MALRD1: variants seen among roughly 807,000 people sequenced by gnomAD.
MALRD1 encodes the protein MAM and LDL-receptor class A domain-containing protein 1.
Under a neutral mutation model 242.1 loss-of-function variants are expected in MALRD1, and 247 were observed. The ratio of observed to expected loss-of-function variants is 1.02; its 90% CI spans 0.92 to 1.13. The LOEUF is 1.13. Among genes scored for constraint, MALRD1 ranks in the 50% most tolerant of loss-of-function variants. The probability of loss-of-function intolerance (pLI) is 0.00; values close to 1 mark genes in which losing one functional copy is unlikely to be tolerated. For synonymous variants in MALRD1, 995 were observed against 866.6 expected (o/e 1.15, Z -2.60); for missense variants, 2,989 against 2,533.1 (o/e 1.18, Z -3.86).
chr10:19,573,588 C>A (rs1333357634), intron 33 of MALRD1, among the ~76,000 whole-genome samples: 1 of 151,372 alleles, frequency 6.6e-6, no homozygotes, highest in Non-Finnish European at 1.5e-5. Context: ...CCCTTTCCCC[C>A]TAAAAAAGAA....
At chr10:19,391,081 C>G (rs1846316651) in intron 28 of MALRD1, among the ~76,000 whole-genome samples, 1 of 152,098 alleles carries the variant, frequency 6.6e-6, no homozygotes, top group Non-Finnish European at 1.5e-5. Context: ...GTTACAGTAA[C>G]AAACTTTTTA....
chr10:19,302,371 T>C (rs1352366667), intron 21 of MALRD1, among the ~76,000 whole-genome samples: 1 of 151,772 alleles, frequency 6.6e-6, no homozygotes, highest in Non-Finnish European at 1.5e-5. Context: ...ATAGATAAAA[T>C]GTGGCCACTA....
In MALRD1 at chr10:19,280,127, G is replaced by A. The variant is rs1338072414; in HGVS notation, c.3160G>A (p.Glu1054Lys). 12 of 1,545,906 alleles carry A rather than the reference G, an allele frequency of 7.8e-6. No homozygotes were observed. The highest frequency in any genetic ancestry group is 9.6e-6 in the Non-Finnish European group (11 of 1,145,156). Residue 1054 changes from glutamate to lysine, a missense_variant, in exon 20 of 40, where the codon GAA becomes AAA. Transcript: ENST00000454679. ...TLPPHNCTDN[E>K]FICRSDGHCI... is the part of the protein sequence containing the mutation. Reference sequence around the variant, plus strand: ...ACCTCCACACAACTGCACAGACAATGAATTTATCTGCAGGTCTGATGGTCA... The same window carrying A: ...ACCTCCACACAACTGCACAGACAATAAATTTATCTGCAGGTCTGATGGTCA...
intron 28 of MALRD1, among the ~76,000 whole-genome samples, chr10:19,412,008 G>A (rs1266258877): frequency 6.6e-6 from 1 of 152,174 alleles, no homozygotes; most frequent in Non-Finnish European, 1.5e-5. Flanking sequence ...ATGGTATTAA[G>A]AAGTTTATGG....
chr10:19,153,172 G>C (rs1035462911), intron 11 of MALRD1, among the ~76,000 whole-genome samples: 7 of 152,066 alleles, frequency 4.6e-5, no homozygotes, highest in Non-Finnish European at 8.8e-5. Flanking sequence ...TTCTTGGAAG[G>C]CTCAGATTAA....
At chr10:19,262,254 G>C (rs1271883386) in intron 19 of MALRD1, among the ~76,000 whole-genome samples, 1 of 151,974 alleles carries the variant, frequency 6.6e-6, no homozygotes, top group African/African-American at 2.4e-5. Context: ...TGTACAATAT[G>C]ATGTTTTGAC....
chr10:19,469,207 T>C (rs1836373650), intron 29 of MALRD1, among the ~76,000 whole-genome samples: 1 of 152,114 alleles, frequency 6.6e-6, no homozygotes, highest in South Asian at 2.1e-4. Context: ...TTCAGCTTAA[T>C]AATAAAATAA....
At chr10:19,449,321 C>T (rs914556985) in intron 28 of MALRD1, among the ~76,000 whole-genome samples, 3 of 152,116 alleles carry the variant, frequency 2.0e-5, no homozygotes, top group East Asian at 3.9e-4. Context: ...GGACTACTGG[C>T]GTGTGCCACC....
chr10:19,377,877 T>C (rs987087510), intron 26 of MALRD1, among the ~76,000 whole-genome samples: 5 of 152,126 alleles, frequency 3.3e-5, no homozygotes, highest in African/African-American at 1.2e-4. Flanking sequence ...TTTAAAATAC[T>C]CTATGCACAA....
intron 11 of MALRD1, among the ~76,000 whole-genome samples, chr10:19,147,347 G>A (rs778987829): frequency 6.6e-6 from 1 of 152,086 alleles, no homozygotes; most frequent in Non-Finnish European, 1.5e-5. Context: ...GGATGGGGTG[G>A]GAAAATTCAA....
At chr10:19,472,545 G>C (rs780662823) in intron 29 of MALRD1, among the ~76,000 whole-genome samples, 2 of 151,828 alleles carry the variant, frequency 1.3e-5, no homozygotes, top group African/African-American at 4.8e-5. Flanking sequence ...GCTTTTCTTT[G>C]TTGAGAGTTT....
At chr10:19,342,927 A>G (rs1609748) in intron 24 of MALRD1, among the ~76,000 whole-genome samples, 94,600 of 151,894 alleles carry the variant, frequency 0.62, 29,687 homozygotes, top group African/African-American at 0.69. Flanking sequence ...AAAATTATAT[A>G]TGAAGGACCT....
intron 38 of MALRD1, among the ~76,000 whole-genome samples, chr10:19,719,242 A>ATATATATG (rs1834620624): frequency 1.1e-4 from 13 of 119,738 alleles, no homozygotes; most frequent in Admixed American, 9.6e-4. Context: ...ATATATATAT[A>ATATATATG]TATATATATA....
intron 21 of MALRD1, among the ~76,000 whole-genome samples, chr10:19,293,920 G>C (rs1381108388): frequency 6.6e-6 from 1 of 152,076 alleles, no homozygotes; most frequent in African/African-American, 2.4e-5. Flanking sequence ...ACAAAAAAAC[G>C]AAATGCAGTC....
At chr10:19,116,182 C>T (rs1196442412) in intron 5 of MALRD1, among the ~76,000 whole-genome samples, 3 of 152,042 alleles carry the variant, frequency 2.0e-5, no homozygotes, top group African/African-American at 7.2e-5. Flanking sequence ...CATGTTTAAT[C>T]ACTGATTCTT....
chr10:19,591,115 T>G (rs1230627409), intron 33 of MALRD1, among the ~76,000 whole-genome samples: 4 of 152,170 alleles, frequency 2.6e-5, no homozygotes, highest in Non-Finnish European at 5.9e-5. Flanking sequence ...TCTCCATAAT[T>G]TTGCCTTTTC....
At chr10:19,719,232 A>ATATATG (rs1834610130) in intron 38 of MALRD1, among the ~76,000 whole-genome samples, 1 of 39,618 alleles carries the variant, frequency 2.5e-5, no homozygotes, top group African/African-American at 1.5e-4. Context: ...ACATATATAT[A>ATATATG]TATATATATA....
At chr10:19,396,811 G>A (rs954766563) in intron 28 of MALRD1, among the ~76,000 whole-genome samples, 4 of 152,034 alleles carry the variant, frequency 2.6e-5, no homozygotes, top group African/African-American at 7.2e-5. Flanking sequence ...ACTACTTTGT[G>A]TTCATCAACT....
At chr10:19,480,954 A>G (rs1396932596) in intron 29 of MALRD1, among the ~76,000 whole-genome samples, 2 of 152,168 alleles carry the variant, frequency 1.3e-5, no homozygotes, top group Non-Finnish European at 2.9e-5. Flanking sequence ...TAAAAAACTG[A>G]ATATTTAAAA....
Sources: allele counts gnomAD v4.1 joint callset (sites outside exome capture counted in the v4.1 genomes callset), GRCh38; gene constraint gnomAD v4.1.1; transcripts MANE v1.5; gene names NCBI Gene and HGNC (gene_info 2026-07-23, HGNC 2026-07-21).